NAA11: variants seen among roughly 807,000 people sequenced by gnomAD.
NAA11 encodes N-alpha-acetyltransferase 11, NatA catalytic subunit, also known as N-alpha-acetyltransferase 11.
A neutral mutation model predicts 16.1 loss-of-function variants in NAA11; 15 were observed. The ratio of observed to expected loss-of-function variants is 0.93; its 90% CI spans 0.62 to 1.44. NAA11 has a LOEUF of 1.44. Among genes scored for constraint, NAA11 ranks in the 40% most tolerant of loss-of-function variants. NAA11 has a pLI of 0.00. For synonymous variants in NAA11, 122 were observed against 112.4 expected (o/e 1.09, Z -0.54); for missense variants, 298 against 291.3 (o/e 1.02, Z -0.17).
At chr4:79,247,049 A>G (rs1447107944) in intron 2 of NAA11, among the ~76,000 whole-genome samples, 1 of 152,180 alleles carries the variant, frequency 6.6e-6, no homozygotes, top group Non-Finnish European at 1.5e-5. Flanking sequence ...TCAAACGTCA[A>G]TGGTAGTGGT....
the NAA11 span, among the ~76,000 whole-genome samples, chr4:79,195,341 C>T: frequency 7.9e-5 from 12 of 152,132 alleles, no homozygotes; most frequent in South Asian, 1.7e-3. Flanking sequence ...CTAAACTCTA[C>T]GTGGGTGAAC....
chr4:79,156,249 C>G, the NAA11 span, among the ~76,000 whole-genome samples: 1 of 151,652 alleles, frequency 6.6e-6, no homozygotes, highest in Non-Finnish European at 1.5e-5. Context: ...TGTCAAAAAC[C>G]TTATAGCTTT....
At chr4:79,285,324 C>A (rs770088714) in intron 2 of NAA11, among the ~76,000 whole-genome samples, 2 of 152,056 alleles carry the variant, frequency 1.3e-5, no homozygotes, top group Non-Finnish European at 2.9e-5. Context: ...GTGTTTTTAT[C>A]AGAAACAGAT....
chr4:79,163,398 C>T, the NAA11 span, among the ~76,000 whole-genome samples: 1 of 151,938 alleles, frequency 6.6e-6, no homozygotes, highest in Non-Finnish European at 1.5e-5. Context: ...TCCATGAGAA[C>T]TGTGGGGCTG....
chr4:79,200,990 TA>T, the NAA11 span, among the ~76,000 whole-genome samples: 3 of 151,732 alleles, frequency 2.0e-5, no homozygotes, highest in Non-Finnish European at 4.4e-5. Flanking sequence ...TATACAATTT[TA>T]TGTTAATAAA....
chr4:79,220,809 A>G (rs1405986512), downstream of NAA11, among the ~76,000 whole-genome samples: 1 of 152,136 alleles, frequency 6.6e-6, no homozygotes, highest in Non-Finnish European at 1.5e-5. Context: ...AGGTAGTGTG[A>G]TGCCTCCAGC....
At chr4:79,164,052 C>A in the NAA11 span, among the ~76,000 whole-genome samples, 2 of 152,020 alleles carry the variant, frequency 1.3e-5, no homozygotes, top group African/African-American at 4.8e-5. Context: ...TCTCCCCAAC[C>A]TCACCTCCCT....
At chr4:79,211,066 A>AG in the NAA11 span, among the ~76,000 whole-genome samples, 1 of 152,174 alleles carries the variant, frequency 6.6e-6, no homozygotes, top group Non-Finnish European at 1.5e-5. Flanking sequence ...AATCTACTCA[A>AG]CCATCATAAT....
At chr4:79,257,099 T>C (rs1433868975) in intron 2 of NAA11, among the ~76,000 whole-genome samples, 1 of 152,252 alleles carries the variant, frequency 6.6e-6, no homozygotes, top group African/African-American at 2.4e-5. Context: ...TCTTTATTTT[T>C]ATTAAATCTT....
At chr4:79,273,077 T>G (rs554750762) in intron 2 of NAA11, among the ~76,000 whole-genome samples, 13 of 151,970 alleles carry the variant, frequency 8.6e-5, no homozygotes, top group Non-Finnish European at 1.9e-4. Flanking sequence ...TCTTAGGAAT[T>G]AGGCCCAGAA....
chr4:79,291,523 G>C (rs1444581508), intron 2 of NAA11, among the ~76,000 whole-genome samples: 1 of 151,920 alleles, frequency 6.6e-6, no homozygotes, highest in East Asian at 1.9e-4. Flanking sequence ...TTAGGTGTTC[G>C]AGACCAGCCT....
At chr4:79,231,938 A>G (rs886545840) in intron 2 of NAA11, among the ~76,000 whole-genome samples, 5 of 151,736 alleles carry the variant, frequency 3.3e-5, no homozygotes, top group African/African-American at 9.7e-5. Context: ...ATGAAATAAT[A>G]TATATGACAT....
At chr4:79,272,031 T>G (rs1337340935) in intron 2 of NAA11, among the ~76,000 whole-genome samples, 1 of 151,684 alleles carries the variant, frequency 6.6e-6, no homozygotes, top group Non-Finnish European at 1.5e-5. Context: ...CACACACATA[T>G]AGAGATATAT....
chr4:79,202,620 G>T, the NAA11 span, among the ~76,000 whole-genome samples: 103 of 12,912 alleles, frequency 8.0e-3, no homozygotes, highest in South Asian at 0.055. Flanking sequence ...GTTATATATA[G>T]TTTTATATAT....
At chr4:79,308,179 G>C (rs1363691690) in intron 1 of NAA11, 1 of 152,194 alleles carries the variant, frequency 6.6e-6, no homozygotes, top group Non-Finnish European at 1.5e-5. Flanking sequence ...GTGCATTGTA[G>C]TGTGCATGTC....
intron 2 of NAA11, among the ~76,000 whole-genome samples, chr4:79,265,228 T>A (rs1462220672): frequency 2.0e-5 from 3 of 152,178 alleles, no homozygotes; most frequent in Non-Finnish European, 2.9e-5. Flanking sequence ...CCTCTACTTC[T>A]GTTAATACAA....
the NAA11 span, among the ~76,000 whole-genome samples, chr4:79,173,381 G>A: frequency 6.6e-6 from 1 of 151,930 alleles, no homozygotes; most frequent in Non-Finnish European, 1.5e-5. Context: ...ACTGGGAGAT[G>A]GAAAAACACA....
At chr4:79,197,824 C>T in the NAA11 span, among the ~76,000 whole-genome samples, 37 of 151,988 alleles carry the variant, frequency 2.4e-4, no homozygotes, top group Admixed American at 3.9e-4. Context: ...TGTCAAAGCA[C>T]CTGACTCTTG....
chr4:79,224,865 T>C (rs1482726122), downstream of NAA11, among the ~76,000 whole-genome samples: 5 of 152,092 alleles, frequency 3.3e-5, no homozygotes, highest in Admixed American at 3.3e-4. Context: ...AGCCCTGGAC[T>C]AATCATGCAA....
Sources: gnomAD v4.1 joint callset for allele counts (sites outside exome capture counted in the v4.1 genomes callset) on GRCh38, gnomAD v4.1.1 for gene constraint, MANE v1.5 for transcripts, NCBI Gene and HGNC (gene_info 2026-07-23, HGNC 2026-07-21) for gene names.